Variants in SORCS3 observed in about 807,000 individuals in gnomAD.
SORCS3 encodes sortilin related VPS10 domain containing receptor 3.
Under a neutral mutation model 146.3 loss-of-function variants are expected in SORCS3, and 57 were observed. The observed-to-expected ratio is 0.39, with a 90% CI of 0.31 to 0.49. The LOEUF (loss-of-function observed/expected upper bound fraction) is 0.49. Among genes scored for constraint, SORCS3 ranks in the 20% least tolerant of loss-of-function variants. The probability of loss-of-function intolerance (pLI) is 0.92; values close to 1 mark genes in which losing one functional copy is unlikely to be tolerated. For missense variants in SORCS3, 1,341 were observed against 1,575.5 expected, an observed-to-expected ratio of 0.85 and a Z score of 2.52; for synonymous variants, 653 against 618.5, an observed-to-expected ratio of 1.06 and a Z score of -0.83.
At chr10:104,935,813 A>G (rs546981544) in intron 3 of SORCS3, among the ~76,000 whole-genome samples, 60 of 152,264 alleles carry the variant, frequency 3.9e-4, no homozygotes, top group African/African-American at 1.4e-3. Context: ...GTGAGAAGGT[A>G]AGGTGTGTTC....
chr10:104,730,753 G>T (rs2016696444), intron 1 of SORCS3, among the ~76,000 whole-genome samples: 2 of 152,214 alleles, frequency 1.3e-5, no homozygotes, highest in South Asian at 4.1e-4. Context: ...CACAGGGCAG[G>T]CAGGAGAGAT....
chr10:104,887,385 G>A (rs930693871), intron 2 of SORCS3, among the ~76,000 whole-genome samples: 6 of 152,170 alleles, frequency 3.9e-5, no homozygotes, highest in Admixed American at 1.3e-4. Context: ...TGGATCTTGG[G>A]GAGACCTGGA....
intron 4 of SORCS3, among the ~76,000 whole-genome samples, chr10:105,033,855 G>T (rs1348172150): frequency 6.6e-6 from 1 of 152,132 alleles, no homozygotes; most frequent in Non-Finnish European, 1.5e-5. Flanking sequence ...CAGAGAATTA[G>T]AACTAATTTT....
At chr10:105,186,201 A>T (rs1279744785) in intron 14 of SORCS3, among the ~76,000 whole-genome samples, 1 of 152,214 alleles carries the variant, frequency 6.6e-6, no homozygotes, top group Non-Finnish European at 1.5e-5. Context: ...CACTCTTATT[A>T]TGCAACAATA....
intron 12 of SORCS3, among the ~76,000 whole-genome samples, chr10:105,166,380 T>C (rs1057455051): frequency 6.6e-6 from 1 of 152,158 alleles, no homozygotes; most frequent in African/African-American, 2.4e-5. Context: ...CAAGCATACT[T>C]TCCCCTAGAA....
intron 7 of SORCS3, among the ~76,000 whole-genome samples, chr10:105,120,053 C>T (rs1457030448): frequency 2.0e-5 from 3 of 152,146 alleles, no homozygotes; most frequent in South Asian, 2.1e-4. Flanking sequence ...ATTATAGTTT[C>T]CATAATCCGC....
At chr10:104,875,208 G>A (rs901080105) in intron 2 of SORCS3, among the ~76,000 whole-genome samples, 1 of 152,180 alleles carries the variant, frequency 6.6e-6, no homozygotes, top group Non-Finnish European at 1.5e-5. Flanking sequence ...CAAGCCAAGA[G>A]TGTTGTTTGA....
At chr10:104,947,600 A>T (rs2019386030) in intron 3 of SORCS3, among the ~76,000 whole-genome samples, 1 of 151,958 alleles carries the variant, frequency 6.6e-6, no homozygotes, top group African/African-American at 2.4e-5. Flanking sequence ...CTAGCACTGG[A>T]TGTTGTATTT....
chr10:104,795,391 G>A (rs1332301240), intron 1 of SORCS3, among the ~76,000 whole-genome samples: 3 of 152,170 alleles, frequency 2.0e-5, no homozygotes, highest in African/African-American at 4.8e-5. Flanking sequence ...CATAGAATAA[G>A]TTAATCTTCC....
chr10:104,893,705 G>C (rs766994306), intron 2 of SORCS3, among the ~76,000 whole-genome samples: 1 of 152,148 alleles, frequency 6.6e-6, no homozygotes, highest in African/African-American at 2.4e-5. Context: ...ATGCCTTGCC[G>C]TATCTGCTCT....
intron 1 of SORCS3, among the ~76,000 whole-genome samples, chr10:104,666,765 C>A (rs886404464): frequency 1.3e-5 from 2 of 152,042 alleles, no homozygotes; most frequent in African/African-American, 4.8e-5. Context: ...GCCTCCATAC[C>A]CAACTATTTT....
At chr10:104,733,684 C>A (rs2016735224) in intron 1 of SORCS3, among the ~76,000 whole-genome samples, 1 of 152,124 alleles carries the variant, frequency 6.6e-6, no homozygotes, top group Admixed American at 6.5e-5. Context: ...AATAAAGCAG[C>A]TTTGGAGTGT....
chr10:104,742,025 G>T lies in SORCS3; in HGVS notation c.627+100071G>T, dbSNP rs1404216442. The stretch of plus-strand genomic sequence containing the variant: ...TGTTTTTTTAAAAAATTGTATCCTG[G>T]ACATTTGGGTACTGTATGACTCTGG... On this transcript the variant is annotated intron_variant, in intron 1 of 26. Coordinates refer to ENST00000369701, the MANE Select transcript of SORCS3 (RefSeq NM_014978.3). 6.6e-5 allele frequency among the ~76,000 whole-genome samples: 10 copies of T among 151,582 alleles called. No individual in the cohort carries two copies. In the East Asian group the frequency reaches 1.9e-3, roughly 29 times the overall value.
intron 2 of SORCS3, among the ~76,000 whole-genome samples, chr10:104,871,672 G>C (rs992814037): frequency 3.3e-5 from 5 of 152,128 alleles, no homozygotes; most frequent in Non-Finnish European, 7.4e-5. Flanking sequence ...TTGAATCCTT[G>C]ATCCATTTTT....
chr10:105,107,312 G>T (rs2055829139), intron 7 of SORCS3, among the ~76,000 whole-genome samples: 1 of 144,068 alleles, frequency 6.9e-6, no homozygotes, highest in Non-Finnish European at 1.5e-5. Context: ...TTTCTATTTA[G>T]ATTTTTTTTT....
chr10:105,148,459 C>G (rs1009787476), intron 9 of SORCS3, among the ~76,000 whole-genome samples: 2 of 152,106 alleles, frequency 1.3e-5, no homozygotes, highest in African/African-American at 2.4e-5. Context: ...TTTCAGTGAC[C>G]TAAAAGATGT....
rs553585042 is a variant in SORCS3 at position 104,849,147 on chromosome 10, A to G, written c.695+6288A>G. ...GAAAAACAGCCAGGCCTGGTGGCTCATGCCTGAAATCCCAGCACTTTGGGA... is the reference window on the plus strand; with the variant it reads ...GAAAAACAGCCAGGCCTGGTGGCTCGTGCCTGAAATCCCAGCACTTTGGGA... On this transcript the variant is annotated intron_variant, in intron 2 of 26. Coordinates refer to ENST00000369701, the MANE Select transcript of SORCS3 (RefSeq NM_014978.3). Among the ~76,000 whole-genome samples, 368 of 152,300 alleles carry G rather than the reference A, an allele frequency of 2.4e-3. 2 individuals carry two copies. Among genetic ancestry groups the G allele is most frequent in the African/African-American group, 7.9e-3 (330 of 41,574 alleles).
chr10:104,820,083 G>A (rs528611197), intron 1 of SORCS3, among the ~76,000 whole-genome samples: 18 of 152,282 alleles, frequency 1.2e-4, no homozygotes, highest in African/African-American at 4.3e-4. Context: ...AGCTGTCATG[G>A]TAACTTCAGG....
At chr10:105,153,020 T>A (rs2056178585) in intron 9 of SORCS3, among the ~76,000 whole-genome samples, 1 of 152,172 alleles carries the variant, frequency 6.6e-6, no homozygotes, top group South Asian at 2.1e-4. Flanking sequence ...GAGTTTTGAT[T>A]TGTGCATTCT....
Sources: gnomAD v4.1 joint callset for allele counts (sites outside exome capture counted in the v4.1 genomes callset) on GRCh38, gnomAD v4.1.1 for gene constraint, MANE v1.5 for transcripts, NCBI Gene and HGNC (gene_info 2026-07-23, HGNC 2026-07-21) for gene names.